ADAMTS19: variants seen among roughly 807,000 people sequenced by gnomAD.
ADAMTS19 encodes A disintegrin and metalloproteinase with thrombospondin motifs 19.
Under a neutral mutation model 153.3 loss-of-function variants are expected in ADAMTS19, and 93 were observed. The ratio of observed to expected loss-of-function variants is 0.61; its 90% CI spans 0.51 to 0.72. ADAMTS19 has a LOEUF of 0.72. Among genes scored for constraint, ADAMTS19 ranks in the 30% least tolerant of loss-of-function variants. The probability of loss-of-function intolerance (pLI) is 0.00; values close to 1 mark genes in which losing one functional copy is unlikely to be tolerated. For missense variants in ADAMTS19, 1,482 were observed against 1,552.1 expected, an observed-to-expected ratio of 0.95 and a Z score of 0.76; for synonymous variants, 600 against 556.6, an observed-to-expected ratio of 1.08 and a Z score of -1.10.
chr5:129,564,046 C>G (rs996816945), intron 7 of ADAMTS19, among the ~76,000 whole-genome samples: 1 of 152,000 alleles, frequency 6.6e-6, no homozygotes, highest in Middle Eastern at 3.2e-3. Flanking sequence ...CAGCCTCCCC[C>G]TTAGCTGGCA....
intron 2 of ADAMTS19, among the ~76,000 whole-genome samples, chr5:129,489,046 C>T (rs1190165940): frequency 6.6e-6 from 1 of 152,018 alleles, no homozygotes; most frequent in Non-Finnish European, 1.5e-5. Context: ...GAACAGTTGG[C>T]TCTTAGTTTT....
chr5:129,677,028 C>A lies in ADAMTS19; in HGVS notation c.2507-2736C>A, dbSNP rs1003285905. Reference sequence around the variant, plus strand: ...GTACCGACCTTAGTACATATCTAGGCCAAAAAGATTCCTCAAAATACTTAA... The same window carrying A: ...GTACCGACCTTAGTACATATCTAGGACAAAAAGATTCCTCAAAATACTTAA... On this transcript the variant is annotated intron_variant, in intron 16 of 22. Transcript: ENST00000274487. Among the ~76,000 whole-genome samples, 18 of 151,520 alleles carry A rather than the reference C, an allele frequency of 1.2e-4. 1 individual carries two copies. In the East Asian group the frequency reaches 3.3e-3, roughly 28 times the overall value.
intron 3 of ADAMTS19, among the ~76,000 whole-genome samples, chr5:129,510,279 C>G (rs2126727244): frequency 6.6e-6 from 1 of 151,716 alleles, no homozygotes; most frequent in African/African-American, 2.4e-5. Context: ...CATCGATTGC[C>G]TAGGATGTTC....
chr5:129,592,213 A>G (rs1750168145), intron 7 of ADAMTS19, among the ~76,000 whole-genome samples: 1 of 151,928 alleles, frequency 6.6e-6, no homozygotes, highest in East Asian at 1.9e-4. Flanking sequence ...CCCCATCTCT[A>G]CTTAAAATAC....
At chr5:129,676,447 C>T (rs1023468299) in intron 16 of ADAMTS19, among the ~76,000 whole-genome samples, 18 of 152,066 alleles carry the variant, frequency 1.2e-4, no homozygotes, top group Non-Finnish European at 2.6e-4. Flanking sequence ...TTCTCTGTGT[C>T]CTCAACTCAC....
At chr5:129,702,971 T>TATATATATAC (rs1389589629) in intron 20 of ADAMTS19, among the ~76,000 whole-genome samples, 7 of 129,810 alleles carry the variant, frequency 5.4e-5, no homozygotes, top group African/African-American at 1.0e-4. Context: ...TATATATATA[T>TATATATATAC]ACAAATACAT....
chr5:129,550,839 T>C (rs989152998), intron 6 of ADAMTS19, among the ~76,000 whole-genome samples: 9 of 151,664 alleles, frequency 5.9e-5, no homozygotes, highest in Non-Finnish European at 1.2e-4. Flanking sequence ...TTTGTGATAG[T>C]AAAAATTGTA....
Position 129,461,119 on chromosome 5 carries a change from G to T in ADAMTS19, c.109G>T (p.Asp37Tyr). 1 of 1,419,378 alleles carries T rather than the reference G, an allele frequency of 7.0e-7. No homozygotes were observed. Among genetic ancestry groups the T allele is most frequent in the South Asian group, 1.5e-5 (1 of 67,292 alleles). 87.9% of individuals were successfully genotyped at this position (1,419,378 alleles called of 1,614,324 possible). The stretch of plus-strand genomic sequence containing the variant: ...GCCCGCAGAGCTGCAGTTCGCCCCC[G>T]ACCGCGAGGAGTGGGAAGTCGTGTT... Reference protein sequence around the residue: ...GIVSELQFAPDREEWEVVFPA... With the variant: ...GIVSELQFAPYREEWEVVFPA... The change falls in exon 2 of 23, where the codon GAC becomes TAC. Residue 37 changes from aspartate (D) to tyrosine (Y), a missense_variant. Asp to Tyr is a radical substitution (Grantham distance 160). This residue lies in a region of ADAMTS19 where 866 missense variants were observed against 827.7 expected (regional missense o/e 1.05). Coordinates refer to ENST00000274487, the MANE Select transcript of ADAMTS19 (RefSeq NM_133638.6). This position sits in a 1 kb window ranked among gnomAD's most constrained non-coding sequence, Gnocchi z 4.6.
At chr5:129,474,607 A>G (rs1363913165) in intron 2 of ADAMTS19, among the ~76,000 whole-genome samples, 2 of 152,048 alleles carry the variant, frequency 1.3e-5, no homozygotes, top group African/African-American at 4.8e-5. Flanking sequence ...GTACAATTCA[A>G]TGGTTTTTAG....
intron 2 of ADAMTS19, among the ~76,000 whole-genome samples, chr5:129,468,349 G>T (rs1749945710): frequency 6.6e-6 from 1 of 151,994 alleles, no homozygotes; most frequent in South Asian, 2.1e-4. Flanking sequence ...ATAGATAAAA[G>T]ATGTTATTAT....
intron 10 of ADAMTS19, among the ~76,000 whole-genome samples, 165 bp downstream of exon 10, chr5:129,622,513 A>G (rs566709096): frequency 3.9e-5 from 6 of 152,236 alleles, no homozygotes; most frequent in Non-Finnish European, 8.8e-5. Flanking sequence ...ATACTTTGGA[A>G]GCGATAGAAA....
At chr5:129,515,675 A>T (rs966484039) in intron 3 of ADAMTS19, among the ~76,000 whole-genome samples, 1 of 151,762 alleles carries the variant, frequency 6.6e-6, no homozygotes, top group Non-Finnish European at 1.5e-5. Context: ...ATCTGTTTTA[A>T]TAGTTTTCTT....
At chr5:129,637,495 C>T (rs1403604361) in intron 10 of ADAMTS19, among the ~76,000 whole-genome samples, 4 of 152,086 alleles carry the variant, frequency 2.6e-5, no homozygotes, top group Non-Finnish European at 5.9e-5. Flanking sequence ...AGAAGTTGTG[C>T]AGGGACATGG....
Position 129,478,960 on chromosome 5 carries a change from T to A in ADAMTS19, c.747+17203T>A, listed in dbSNP as rs1161269056. On this transcript the variant is annotated intron_variant, in intron 2 of 22. Transcript: ENST00000274487. ...GGACCAGAATATAATAGCCACTGTT[T>A]ATTCAACACTGCTATATGCCATATA... Among the ~76,000 whole-genome samples the A allele has an allele frequency of 2.0e-5, 3 of 152,220 alleles. 1 individual carries two copies. The highest frequency in any genetic ancestry group is 4.4e-5 in the Non-Finnish European group (3 of 68,038).
chr5:129,687,104 C>T (rs1755129625), intron 18 of ADAMTS19, among the ~76,000 whole-genome samples: 1 of 152,086 alleles, frequency 6.6e-6, no homozygotes, highest in Non-Finnish European at 1.5e-5. Context: ...AAAACAAAGG[C>T]ACAAAATAGA....
intron 8 of ADAMTS19, among the ~76,000 whole-genome samples, chr5:129,602,719 G>A (rs1432501546): frequency 6.6e-6 from 1 of 151,516 alleles, no homozygotes; most frequent in Non-Finnish European, 1.5e-5. Context: ...TTTTTTAATT[G>A]TCAAATTTCA....
chr5:129,722,621 T>C (rs557765706), intron 21 of ADAMTS19, among the ~76,000 whole-genome samples: 2 of 152,332 alleles, frequency 1.3e-5, no homozygotes, highest in Non-Finnish European at 1.5e-5. Flanking sequence ...TTGTCAATTT[T>C]AGCTTTTGTT....
chr5:129,632,106 C>T (rs1189508404), intron 10 of ADAMTS19, among the ~76,000 whole-genome samples: 1 of 152,008 alleles, frequency 6.6e-6, no homozygotes, highest in Non-Finnish European at 1.5e-5. Flanking sequence ...TGTTGCAACT[C>T]AAATCTGCTG....
chr5:129,524,488 G>A (rs906641790), intron 3 of ADAMTS19, among the ~76,000 whole-genome samples: 1 of 151,948 alleles, frequency 6.6e-6, no homozygotes, highest in Non-Finnish European at 1.5e-5. Flanking sequence ...CTTCTGCATA[G>A]CAAAAGAAAC....
Sources: gnomAD v4.1 joint callset for allele counts (sites outside exome capture counted in the v4.1 genomes callset) on GRCh38, gnomAD v4.1.1 for gene constraint, gnomAD v4.1.1 regional missense constraint, Gnocchi (gnomAD v3.1) non-coding constraint, MANE v1.5 for transcripts, NCBI Gene and HGNC (gene_info 2026-07-23, HGNC 2026-07-21) for gene names.